PTPRK: variants seen among roughly 807,000 people sequenced by gnomAD.
PTPRK encodes receptor-type tyrosine-protein phosphatase kappa.
A neutral mutation model predicts 178.0 loss-of-function variants in PTPRK; 75 were observed. The observed-to-expected ratio is 0.42, with a 90% CI of 0.35 to 0.51. PTPRK has a LOEUF of 0.51. Among genes scored for constraint, PTPRK ranks in the 20% least tolerant of loss-of-function variants. The pLI is 0.02. For missense variants in PTPRK, 1,441 were observed against 1,797.8 expected, an observed-to-expected ratio of 0.80 and a Z score of 3.59; for synonymous variants, 637 against 620.6, an observed-to-expected ratio of 1.03 and a Z score of -0.39.
chr6:128,217,658 A>C (rs1809590249), intron 6 of PTPRK, among the ~76,000 whole-genome samples: 1 of 152,140 alleles, frequency 6.6e-6, no homozygotes. Context: ...TAAAATATGG[A>C]CATATCTCAT....
At chr6:128,328,957 T>C (rs1829918928) in intron 2 of PTPRK, among the ~76,000 whole-genome samples, 1 of 152,170 alleles carries the variant, frequency 6.6e-6, no homozygotes, top group Non-Finnish European at 1.5e-5. Context: ...TGTAGTATCA[T>C]ACATTATGTA....
chr6:128,271,837 T>C (rs1286013647), intron 3 of PTPRK, among the ~76,000 whole-genome samples: 1 of 151,774 alleles, frequency 6.6e-6, no homozygotes, highest in African/African-American at 2.4e-5. Context: ...CTTTGAAGAG[T>C]TGGAACAAGA....
intron 3 of PTPRK, among the ~76,000 whole-genome samples, chr6:128,266,672 C>T (rs536156880): frequency 1.4e-4 from 22 of 152,174 alleles, no homozygotes; most frequent in Middle Eastern, 3.4e-3. Flanking sequence ...GTGCAGGATA[C>T]TGAATACACA....
At chr6:128,471,203 T>C (rs1416946921) in intron 1 of PTPRK, among the ~76,000 whole-genome samples, 1 of 152,056 alleles carries the variant, frequency 6.6e-6, no homozygotes, top group Admixed American at 6.6e-5. Context: ...ATATTCAACA[T>C]TTTCCCAGCC....
chr6:128,419,654 G>A (rs1041918733), intron 1 of PTPRK, among the ~76,000 whole-genome samples: 1 of 151,914 alleles, frequency 6.6e-6, no homozygotes, highest in African/African-American at 2.4e-5. Context: ...GACAGAGAAT[G>A]GAAATTCAAT....
At chr6:128,073,436 G>A (rs1373870293) in intron 11 of PTPRK, among the ~76,000 whole-genome samples, 3 of 151,810 alleles carry the variant, frequency 2.0e-5, no homozygotes, top group African/African-American at 7.3e-5. Context: ...GGTTGGTCAA[G>A]AAATCCTTAT....
intron 21 of PTPRK, among the ~76,000 whole-genome samples, chr6:127,988,626 C>A (rs1776244313): frequency 6.6e-6 from 1 of 152,076 alleles, no homozygotes; most frequent in African/African-American, 2.4e-5. Flanking sequence ...GTGTCCTAGA[C>A]TAAAAGTTAT....
intron 7 of PTPRK, among the ~76,000 whole-genome samples, chr6:128,134,002 A>C (rs1794647707): frequency 6.6e-6 from 1 of 152,198 alleles, no homozygotes; most frequent in Non-Finnish European, 1.5e-5. Context: ...TTGCAACCAA[A>C]GTGACAAAAC....
chr6:127,981,544 T>G (rs1209692198), intron 24 of PTPRK, among the ~76,000 whole-genome samples: 5 of 152,170 alleles, frequency 3.3e-5, no homozygotes, highest in Non-Finnish European at 7.4e-5. Context: ...CACTGCTACC[T>G]GCAAAATGCA....
intron 2 of PTPRK, among the ~76,000 whole-genome samples, chr6:128,341,495 CA>C: frequency 6.6e-6 from 1 of 152,224 alleles, no homozygotes; most frequent in Middle Eastern, 3.4e-3. Flanking sequence ...TATGTGTACA[CA>C]GGCCTAAATT....
At chr6:128,000,278 A>G (rs1167490290) in intron 15 of PTPRK, 1 of 1,286,554 alleles carries the variant, frequency 7.8e-7, no homozygotes, top group Non-Finnish European at 1.0e-6. Context: ...AACTCTACAA[A>G]TAGGATATAG....
At chr6:128,011,039 A>G (rs1778993418) in intron 13 of PTPRK, among the ~76,000 whole-genome samples, 1 of 151,252 alleles carries the variant, frequency 6.6e-6, no homozygotes. Flanking sequence ...AAATATATAC[A>G]TATATCTATA....
At chr6:128,196,328 C>T (rs1160953726) in intron 6 of PTPRK, among the ~76,000 whole-genome samples, 1 of 151,990 alleles carries the variant, frequency 6.6e-6, no homozygotes, top group African/African-American at 2.4e-5. Context: ...ATCACCACAC[C>T]TAGTTTTATA....
intron 1 of PTPRK, among the ~76,000 whole-genome samples, chr6:128,407,694 A>G (rs976812708): frequency 1.3e-5 from 2 of 151,724 alleles, no homozygotes; most frequent in Admixed American, 1.3e-4. Context: ...ATGATTCACT[A>G]AAGTATTATA....
At chr6:128,503,794 T>A (rs940126174) in intron 1 of PTPRK, among the ~76,000 whole-genome samples, 1 of 151,332 alleles carries the variant, frequency 6.6e-6, no homozygotes, top group Non-Finnish European at 1.5e-5. Flanking sequence ...AGCCTCAGCC[T>A]CCAAAATAGC....
intron 1 of PTPRK, among the ~76,000 whole-genome samples, chr6:128,467,088 T>C (rs536307840): frequency 1.9e-4 from 29 of 152,252 alleles, no homozygotes; most frequent in East Asian, 5.8e-4. Flanking sequence ...CTGCAGAGCA[T>C]TGACATCCCA....
intron 13 of PTPRK, among the ~76,000 whole-genome samples, chr6:128,047,649 T>C (rs750012886): frequency 5.6e-4 from 86 of 152,304 alleles, no homozygotes; most frequent in Middle Eastern, 6.8e-3. Context: ...ATCATGGTAA[T>C]GATTAGGTTA....
intron 13 of PTPRK, among the ~76,000 whole-genome samples, chr6:128,051,264 C>A (rs1397484671): frequency 6.6e-6 from 1 of 152,150 alleles, no homozygotes; most frequent in Admixed American, 6.5e-5. Flanking sequence ...ATGCTCCAGT[C>A]TCTACCATGC....
At chr6:128,291,760 G>T (rs1055030746) in intron 3 of PTPRK, among the ~76,000 whole-genome samples, 1 of 152,010 alleles carries the variant, frequency 6.6e-6, no homozygotes, top group Non-Finnish European at 1.5e-5. Context: ...TGTTTGTTTG[G>T]CATGGTGTTT....
Sources: allele counts gnomAD v4.1 joint callset (sites outside exome capture counted in the v4.1 genomes callset), GRCh38; gene constraint gnomAD v4.1.1; transcripts MANE v1.5; gene names NCBI Gene and HGNC (gene_info 2026-07-23, HGNC 2026-07-21).